The following MAT2A variants were observed in gnomAD, a reference collection of about 807,000 sequenced individuals.
MAT2A encodes methionine adenosyltransferase 2A.
Under a neutral mutation model 43.9 loss-of-function variants are expected in MAT2A, and 3 were observed. The observed-to-expected ratio is 0.07, with a 90% CI of 0.03 to 0.18. The LOEUF (loss-of-function observed/expected upper bound fraction) is 0.18, where lower values mean the gene tolerates loss of function less well. Among genes scored for constraint, MAT2A ranks in the 10% least tolerant of loss-of-function variants. The pLI, the probability that MAT2A is intolerant of heterozygous loss-of-function variation, is 1.00. For missense variants in MAT2A, 204 were observed against 489.0 expected (o/e 0.42, Z 5.50); for synonymous variants, 200 against 168.4 (o/e 1.19, Z -1.45).
Position 85,542,969 on chromosome 2 carries a change from G to A in MAT2A, c.1020G>A (p.Lys340=). 1 of 1,612,680 alleles carries A rather than the reference G, an allele frequency of 6.2e-7. No homozygotes were observed. The highest frequency in any genetic ancestry group is 8.5e-7 in the Non-Finnish European group (1 of 1,178,970). ...TTTTCCATTATGGTACCTCTCAGAA[G>A]AGTGAGAGAGAGCTATTAGAGATTG... ...ISIFHYGTSQ[K]SERELLEIVK... is the part of the protein sequence containing the mutation. The change falls in exon 8 of 9, where the codon AAG becomes AAA. Residue 340 remains lysine (K), a synonymous_variant. Transcript: ENST00000306434.
chr2:85,543,057 C>A (rs771053623), intron 8 of MAT2A, 23 bp downstream of exon 8: 1 of 1,608,822 alleles, frequency 6.2e-7, no homozygotes, highest in Non-Finnish European at 8.5e-7. Flanking sequence ...AAGCCTGTTG[C>A]TAGTCAAGTA....
intron 1 of MAT2A, 142 bp downstream of exon 1, chr2:85,539,520 C>G: frequency 1.8e-6 from 1 of 550,692 alleles, no homozygotes; most frequent in Non-Finnish European, 3.1e-6. Context: ...CGCGCGCTTT[C>G]CTCGTGGCGC....
At chr2:85,543,423 G>A (rs1691529472) in intron 8 of MAT2A, 5 of 444,902 alleles carry the variant, frequency 1.1e-5, no homozygotes, top group Non-Finnish European at 2.0e-5. Context: ...TTTGACAATT[G>A]AAATTTCTCA....
In MAT2A at chr2:85,539,198, T is replaced by A; in HGVS notation, c.-90T>A. The A allele has an allele frequency of 1.1e-6, 1 of 924,806 alleles. No homozygotes were observed. Among genetic ancestry groups the A allele is most frequent in the Non-Finnish European group, 1.7e-6 (1 of 594,114 alleles). 57.3% of individuals were successfully genotyped at this position (924,806 alleles called of 1,614,324 possible). A position where few individuals can be genotyped will look rare whatever the true frequency, so the allele number is the denominator to read the frequency against. On this transcript the variant is annotated 5_prime_UTR_variant, in exon 1 of 9. Coordinates refer to ENST00000306434, the MANE Select transcript of MAT2A (RefSeq NM_005911.6). ...CTCCGCGCCGCCCGCCTGCTACGAG[T>A]AGAACGCTGTCCGCAGCTTGCGCAT...
In MAT2A at chr2:85,539,192, T is replaced by G. The variant is rs1475960649; in HGVS notation, c.-96T>G. ...CGTTCGCTCCGCGCCGCCCGCCTGC[T>G]ACGAGTAGAACGCTGTCCGCAGCTT... On this transcript the variant is annotated 5_prime_UTR_variant, in exon 1 of 9. Coordinates refer to ENST00000306434, the MANE Select transcript of MAT2A (RefSeq NM_005911.6). 5 of 884,222 alleles carry G rather than the reference T, an allele frequency of 5.7e-6. No individual in the cohort carries two copies. The highest frequency in any genetic ancestry group is 3.5e-5 in the African/African-American group (2 of 57,718). The allele number at this position is 884,222 out of a possible 1,614,324, so 54.8% of individuals were successfully genotyped here.
chr2:85,539,244 G>C lies in MAT2A; in HGVS notation c.-44G>C, dbSNP rs747128565. ...CGCATTTCGCAGCCGCTGCCGCCTC[G>C]CCGCTGCTCCTTCGTAAGGCCACTT... On this transcript the variant is annotated 5_prime_UTR_variant, in exon 1 of 9. Coordinates refer to ENST00000306434, the MANE Select transcript of MAT2A (RefSeq NM_005911.6). 2.8e-6 allele frequency: 4 copies of C among 1,431,896 alleles called. No homozygotes were observed. The highest frequency in any genetic ancestry group is 1.9e-5 in the Admixed American group (1 of 53,864). 88.7% of individuals were successfully genotyped at this position (1,431,896 alleles called of 1,614,324 possible). A position where few individuals can be genotyped will look rare whatever the true frequency, so the allele number is the denominator to read the frequency against.
intron 7 of MAT2A, 71 bp from the exon 8 acceptor site, chr2:85,542,830 T>C: frequency 1.9e-6 from 3 of 1,562,490 alleles, no homozygotes; most frequent in South Asian, 2.3e-5. Context: ...CTACTTGTTT[T>C]ATACCAACGT....
chr2:85,542,874 A>AT (rs1334689515), intron 7 of MAT2A, 27 bp from the exon 8 acceptor site: 3 of 1,604,672 alleles, frequency 1.9e-6, no homozygotes, highest in Non-Finnish European at 2.6e-6. Context: ...GCAATCACTG[A>AT]TTCTTACGAC....
At position 85,543,472 on chromosome 2, in the gene MAT2A, G is replaced by A. The variant is rs542614977; in HGVS notation, c.1086-198G>A. 193 of 474,014 alleles carry A rather than the reference G, an allele frequency of 4.1e-4. 2 individuals carry two copies. Among genetic ancestry groups the A allele is most frequent in the African/African-American group, 3.5e-3 (177 of 49,928 alleles). 29.4% of individuals were successfully genotyped at this position (474,014 alleles called of 1,614,324 possible). ...TTTTCGTATTTGTTGAGCCAGGGAC[G>A]GAAAAACAACTATAGTTACTAATAA... On this transcript the variant is annotated intron_variant, in intron 8 of 8. Coordinates refer to ENST00000306434, the MANE Select transcript of MAT2A (RefSeq NM_005911.6).
chr2:85,539,394 G>A lies in MAT2A; in HGVS notation c.91+16G>A, dbSNP rs1360021326. 8 of 1,588,748 alleles carry A rather than the reference G, an allele frequency of 5.0e-6. No individual in the cohort carries two copies. The highest frequency in any genetic ancestry group is 6.9e-6 in the Non-Finnish European group (8 of 1,167,826). On this transcript the variant is annotated intron_variant, in intron 1 of 8. Coordinates refer to ENST00000306434, the MANE Select transcript of MAT2A (RefSeq NM_005911.6). ...GGCCACCCAGGTGAGGGGACGGCCT[G>A]AAGCGAAGCGTGGGGCGGGGCAGAA... is the stretch of plus-strand genomic sequence containing the variant.
Position 85,541,751 on chromosome 2 carries a change from T to C in MAT2A, c.405+6T>C. The C allele has an allele frequency of 6.2e-7, 1 of 1,613,936 alleles. No homozygotes were observed. The highest frequency in any genetic ancestry group is 2.2e-5 in the East Asian group (1 of 44,888). ...ACATTGGTGCTGGAGACCAGGTATC[T>C]TGGTGTAGAGGCTGTTTTAATCTCT... On this transcript the variant is annotated splice_donor_region_variant and intron_variant, in intron 4 of 8. Coordinates refer to ENST00000306434, the MANE Select transcript of MAT2A (RefSeq NM_005911.6).
rs772094517 is a variant in MAT2A, at chr2:85,541,618, G to GT, written c.293-9dup. ...TTCTAGGACGTAAACAAGATGTTGT[G>GT]TTTTTTGCTTATAGGTTTTGACTAC... On this transcript the variant is annotated splice_polypyrimidine_tract_variant and intron_variant, in intron 3 of 8. Transcript: ENST00000306434. 6 of 1,575,454 alleles carry GT rather than the reference G, an allele frequency of 3.8e-6. No homozygotes were observed. Among genetic ancestry groups the GT allele is most frequent in the Non-Finnish European group, 5.2e-6 (6 of 1,158,772 alleles).
At chr2:85,541,769 T>C (rs766719450) in intron 4 of MAT2A, 24 bp downstream of exon 4, 26 of 1,613,746 alleles carry the variant, frequency 1.6e-5, no homozygotes, top group East Asian at 4.5e-5. Flanking sequence ...GAGGCTGTTT[T>C]AATCTCTTCT....
In MAT2A at chr2:85,541,818, T is replaced by C; in HGVS notation, c.406-11T>C. 1 of 1,613,846 alleles carries C rather than the reference T, an allele frequency of 6.2e-7. No homozygotes were observed. The highest frequency in any genetic ancestry group is 8.5e-7 in the Non-Finnish European group (1 of 1,179,772). ...GGAGCTTGATCACATTGGTGACTTT[T>C]CTTTCTTTAGGGCTTAATGTTTGGC... On this transcript the variant is annotated splice_polypyrimidine_tract_variant and intron_variant, in intron 4 of 8. Transcript: ENST00000306434.
At position 85,541,064 on chromosome 2, in the gene MAT2A, A is replaced by G. The variant is rs1691465807; in HGVS notation, c.92-19A>G. ...TGTTTAAAGTTAAAGAAACTGAGCC[A>G]GGAATTTCTCTTTTCCAGATAAGAT... On this transcript the variant is annotated intron_variant, in intron 1 of 8. Coordinates refer to ENST00000306434, the MANE Select transcript of MAT2A (RefSeq NM_005911.6). 1.3e-6 allele frequency: 2 copies of G among 1,586,158 alleles called. No homozygotes were observed. The highest frequency in any genetic ancestry group is 1.7e-6 in the Non-Finnish European group (2 of 1,158,916).
chr2:85,541,952 C>T lies in MAT2A; in HGVS notation c.529C>T (p.Arg177Cys), dbSNP rs1691485615. 4.3e-6 allele frequency: 7 copies of T among 1,613,816 alleles called. No homozygotes were observed. The highest frequency in any genetic ancestry group is 1.3e-5 in the African/African-American group (1 of 74,934). Reference protein sequence around the residue: ...LRRNGTLPWLRPDSKTQVTVQ... With the variant: ...LRRNGTLPWLCPDSKTQVTVQ... ...CCGTAATGGCACTTTGCCTTGGTTA[C>T]GCCCTGATTCTAAAACTCAAGTAAG... The change falls in exon 5 of 9, where the codon CGC becomes TGC. Residue 177 changes from arginine to cysteine, a missense_variant. Physicochemically the swap from Arg to Cys is radical, Grantham distance 180. Coordinates refer to ENST00000306434, the MANE Select transcript of MAT2A (RefSeq NM_005911.6).
In MAT2A at chr2:85,541,808, T is replaced by A. The variant is rs201062531; in HGVS notation, c.406-21T>A. 2.5e-6 allele frequency: 4 copies of A among 1,613,876 alleles called. No homozygotes were observed. The South Asian group carries it at 4.4e-5, about 18-fold the overall frequency. On this transcript the variant is annotated intron_variant, in intron 4 of 8. Transcript: ENST00000306434. ...ATTAAATTCTGGAGCTTGATCACAT[T>A]GGTGACTTTTCTTTCTTTAGGGCTT... is the stretch of plus-strand genomic sequence containing the variant.
At position 85,539,787 on chromosome 2, in the gene MAT2A, G is replaced by A. The variant is rs529733401; in HGVS notation, c.91+409G>A. ...TCGCGTCCGGCCCTCGGGAGCGCGC[G>A]CCCCGCATTGCAGCGGCGACCACGT... On this transcript the variant is annotated intron_variant, in intron 1 of 8. Coordinates refer to ENST00000306434, the MANE Select transcript of MAT2A (RefSeq NM_005911.6). 4 of 157,848 alleles carry A rather than the reference G, an allele frequency of 2.5e-5. No individual in the cohort carries two copies. The East Asian group carries it at 7.6e-4, about 30-fold the overall frequency. 9.8% of individuals were successfully genotyped at this position (157,848 alleles called of 1,614,324 possible).
chr2:85,542,993 T>A lies in MAT2A; in HGVS notation c.1044T>A (p.Ile348=). The A allele has an allele frequency of 1.2e-6, 2 of 1,613,478 alleles. No homozygotes were observed. The highest frequency in any genetic ancestry group is 1.7e-6 in the Non-Finnish European group (2 of 1,179,998). The change falls in exon 8 of 9, where the codon ATT becomes ATA. Residue 348 remains isoleucine, a synonymous_variant. Coordinates refer to ENST00000306434, the MANE Select transcript of MAT2A (RefSeq NM_005911.6). ...AGAGTGAGAGAGAGCTATTAGAGATTGTGAAGAAGAATTTCGATCTCCGCC... is the reference window on the plus strand; with the variant it reads ...AGAGTGAGAGAGAGCTATTAGAGATAGTGAAGAAGAATTTCGATCTCCGCC... ...SQKSERELLE[I]VKKNFDLRPG...
Sources: gnomAD v4.1 joint callset for allele counts on GRCh38, gnomAD v4.1.1 for gene constraint, MANE v1.5 for transcripts, NCBI Gene and HGNC (gene_info 2026-07-23, HGNC 2026-07-21) for gene names.